Variants in DCDC1 observed in about 807,000 individuals in gnomAD.
DCDC1 encodes the protein doublecortin domain-containing protein 1.
DCDC1 carries 200 observed loss-of-function variants against 178.3 expected under a neutral mutation model. The ratio of observed to expected loss-of-function variants is 1.12; its 90% CI spans 1.00 to 1.26. DCDC1 has a LOEUF of 1.26. Ranked by LOEUF, DCDC1 falls within the 50% of genes most tolerant of loss-of-function variation. The pLI is 0.00. For missense variants in DCDC1, 1,983 were observed against 1,749.2 expected, an observed-to-expected ratio of 1.13 and a Z score of -2.38; for synonymous variants, 690 against 604.8, an observed-to-expected ratio of 1.14 and a Z score of -2.07.
rs186782660 is a variant in DCDC1 at position 31,013,025 on chromosome 11, A to C, written c.2591+51444T>G. ...AAAAACAATGTAAAGCCAATATGTC[A>C]ACACATTAAAACTCTATTAAAGCTG... On this transcript the variant is annotated intron_variant, in intron 20 of 38. Coordinates refer to ENST00000684477, the MANE Select transcript of DCDC1 (RefSeq NM_001387274.1). Among the ~76,000 whole-genome samples, 335 of 152,306 alleles carry C rather than the reference A, an allele frequency of 2.2e-3. 2 individuals are homozygous for C. The highest frequency in any genetic ancestry group is 6.8e-3 in the Middle Eastern group (2 of 294).
chr11:31,272,016 G>A (rs1244027875), intron 7 of DCDC1, among the ~76,000 whole-genome samples: 2 of 152,060 alleles, frequency 1.3e-5, no homozygotes, highest in Admixed American at 1.3e-4. Flanking sequence ...ACAAAAATTA[G>A]CTGGGTGTGG....
intron 7 of DCDC1, among the ~76,000 whole-genome samples, chr11:31,286,618 T>C (rs1946857562): frequency 1.3e-5 from 2 of 152,006 alleles, no homozygotes; most frequent in African/African-American, 4.8e-5. Flanking sequence ...GTAAATGATT[T>C]AGCAGACCAG....
chr11:31,181,952 G>T (rs951371137), intron 9 of DCDC1, among the ~76,000 whole-genome samples: 2 of 152,066 alleles, frequency 1.3e-5, no homozygotes, highest in Non-Finnish European at 2.9e-5. Context: ...CATATACAAG[G>T]ATCAATAGCT....
At chr11:31,297,256 G>A (rs1026512757) in intron 6 of DCDC1, among the ~76,000 whole-genome samples, 2 of 152,136 alleles carry the variant, frequency 1.3e-5, no homozygotes, top group Admixed American at 1.3e-4. Flanking sequence ...ACAAAATAGT[G>A]AGGGGACTGT....
intron 21 of DCDC1, among the ~76,000 whole-genome samples, chr11:30,946,086 A>G (rs1948034692): frequency 1.3e-5 from 2 of 152,014 alleles, no homozygotes; most frequent in South Asian, 4.1e-4. Flanking sequence ...TCATATGAAA[A>G]CTCAATAAAT....
At chr11:31,239,522 A>C (rs1976852794) in intron 9 of DCDC1, among the ~76,000 whole-genome samples, 1 of 152,030 alleles carries the variant, frequency 6.6e-6, no homozygotes, top group Non-Finnish European at 1.5e-5. Context: ...ACATAAAAAT[A>C]CATAATGAGC....
rs568165575 is a variant in DCDC1, at chr11:31,102,301, G to A, written c.1878-19C>T. 2.6e-5 allele frequency: 17 copies of A among 651,032 alleles called. No homozygotes were observed. The highest frequency in any genetic ancestry group is 2.4e-4 in the Middle Eastern group (1 of 4,118). The allele number at this position is 651,032 out of a possible 1,614,324, so 40.3% of individuals were successfully genotyped here. A position where few individuals can be genotyped will look rare whatever the true frequency, so the allele number is the denominator to read the frequency against. On this transcript the variant is annotated intron_variant, in intron 14 of 38. Transcript: ENST00000684477. ...TTCCCAACTAAGAAAAGTAAAATAC[G>A]TAATTATTTTTATTAGAATAATATG... is the stretch of plus-strand genomic sequence containing the variant.
chr11:31,072,834 A>C (rs1427407704), intron 18 of DCDC1, among the ~76,000 whole-genome samples: 1 of 152,138 alleles, frequency 6.6e-6, no homozygotes, highest in Non-Finnish European at 1.5e-5. Context: ...ATCTGTGCCA[A>C]ATACTTAAAA....
chr11:31,155,617 G>A (rs1394861685), intron 9 of DCDC1, among the ~76,000 whole-genome samples: 2 of 152,204 alleles, frequency 1.3e-5, no homozygotes, highest in Non-Finnish European at 2.9e-5. Context: ...TTTCCCTCAT[G>A]GAGCTTAACA....
At chr11:31,048,776 G>C (rs1407405165) in intron 20 of DCDC1, among the ~76,000 whole-genome samples, 1 of 152,102 alleles carries the variant, frequency 6.6e-6, no homozygotes. Flanking sequence ...AGAACGGCGT[G>C]AACCCGGGAG....
chr11:31,083,355 T>C (rs1352078934), intron 17 of DCDC1, among the ~76,000 whole-genome samples: 1 of 152,156 alleles, frequency 6.6e-6, no homozygotes, highest in Non-Finnish European at 1.5e-5. Flanking sequence ...AGACTAAAGA[T>C]AGAAAAGAGG....
intron 1 of DCDC1, among the ~76,000 whole-genome samples, chr11:31,365,134 A>G (rs556421272): frequency 3.2e-4 from 49 of 152,338 alleles, no homozygotes; most frequent in African/African-American, 1.2e-3. Context: ...GACTACAGTC[A>G]ACTTTGTTTT....
At chr11:31,351,760 T>G (rs1344268508) in intron 1 of DCDC1, among the ~76,000 whole-genome samples, 1 of 152,142 alleles carries the variant, frequency 6.6e-6, no homozygotes, top group Non-Finnish European at 1.5e-5. Context: ...ATGCAGCACA[T>G]GACCTTGGAA....
At chr11:31,342,049 C>A (rs1007474331) in intron 1 of DCDC1, among the ~76,000 whole-genome samples, 8 of 152,234 alleles carry the variant, frequency 5.3e-5, no homozygotes, top group African/African-American at 1.4e-4. Flanking sequence ...GCAGCACCAC[C>A]AATAGTACCA....
intron 20 of DCDC1, among the ~76,000 whole-genome samples, chr11:31,016,048 C>CA (rs1334022271): frequency 2.0e-5 from 3 of 152,106 alleles, no homozygotes; most frequent in Non-Finnish European, 4.4e-5. Context: ...AACTAAAGCA[C>CA]AATGAAAGAG....
intron 20 of DCDC1, among the ~76,000 whole-genome samples, chr11:31,006,144 T>C (rs991635149): frequency 6.6e-6 from 1 of 152,116 alleles, no homozygotes; most frequent in Non-Finnish European, 1.5e-5. Context: ...TGTCCTCTTC[T>C]TCTTCTCCTT....
At chr11:31,126,695 A>G (rs761797650) in intron 11 of DCDC1, among the ~76,000 whole-genome samples, 3 of 152,218 alleles carry the variant, frequency 2.0e-5, no homozygotes, top group Admixed American at 6.5e-5. Context: ...AATAGGCTAC[A>G]CTGTGAGTAA....
intron 20 of DCDC1, among the ~76,000 whole-genome samples, chr11:31,014,539 T>C (rs1952366188): frequency 6.6e-6 from 1 of 152,190 alleles, no homozygotes; most frequent in South Asian, 2.1e-4. Context: ...TTAGAAACTA[T>C]GTCAGATCAT....
chr11:31,255,198 C>T (rs1385050566), intron 8 of DCDC1, among the ~76,000 whole-genome samples: 1 of 152,150 alleles, frequency 6.6e-6, no homozygotes, highest in Non-Finnish European at 1.5e-5. Context: ...GGACATTTGG[C>T]TTCATGAACA....
Sources: allele counts gnomAD v4.1 joint callset (sites outside exome capture counted in the v4.1 genomes callset), GRCh38; gene constraint gnomAD v4.1.1; transcripts MANE v1.5; gene names NCBI Gene and HGNC (gene_info 2026-07-23, HGNC 2026-07-21).